The following PHIP variants were observed in gnomAD, a reference collection of about 807,000 sequenced individuals.
The protein encoded by PHIP is PH-interacting protein.
A neutral mutation model predicts 236.8 loss-of-function variants in PHIP; 54 were observed. That is an observed-to-expected ratio of 0.23 (90% CI 0.18 to 0.29). The LOEUF (loss-of-function observed/expected upper bound fraction) is 0.29. PHIP is among the 10% of genes least tolerant of loss of function. The probability of loss-of-function intolerance (pLI) is 1.00; values close to 1 mark genes in which losing one functional copy is unlikely to be tolerated. For synonymous variants in PHIP, 756 were observed against 718.9 expected, an observed-to-expected ratio of 1.05 and a Z score of -0.83; for missense variants, 1,370 against 2,190.8, an observed-to-expected ratio of 0.63 and a Z score of 7.48.
intron 35 of PHIP, among the ~76,000 whole-genome samples, chr6:78,953,857 A>C (rs550069200): frequency 6.6e-6 from 1 of 152,260 alleles, no homozygotes; most frequent in African/African-American, 2.4e-5. Context: ...AAGTGCTGGG[A>C]TTACAGGTGT....
In PHIP at chr6:78,996,892, C is replaced by T. The variant is rs151264579; in HGVS notation, c.2201+522G>A. On this transcript the variant is annotated intron_variant, in intron 19 of 39. Coordinates refer to ENST00000275034, the MANE Select transcript of PHIP (RefSeq NM_017934.7). ...AAGATCAAAAGGAACTGGATATAAACTTCCCTCATGGCATGGTCTAAGAGA... is the reference window on the plus strand; with the variant it reads ...AAGATCAAAAGGAACTGGATATAAATTTCCCTCATGGCATGGTCTAAGAGA... Among the ~76,000 whole-genome samples the T allele has an allele frequency of 5.2e-3, 787 of 152,086 alleles. 11 individuals are homozygous for T. The highest frequency in any genetic ancestry group is 0.018 in the African/African-American group (735 of 41,504).
intron 7 of PHIP, among the ~76,000 whole-genome samples, chr6:79,029,872 A>G (rs181495788): frequency 6.6e-6 from 1 of 152,186 alleles, no homozygotes; most frequent in African/African-American, 2.4e-5. Context: ...TGATTATTTT[A>G]AAAAAGACCA....
intron 7 of PHIP, among the ~76,000 whole-genome samples, chr6:79,032,699 A>C (rs896272293): frequency 6.6e-6 from 1 of 151,778 alleles, no homozygotes; most frequent in African/African-American, 2.4e-5. Context: ...CAGGGGATGC[A>C]ATCAACTTCT....
At chr6:78,982,564 CTA>C (rs1300581067) in intron 23 of PHIP, among the ~76,000 whole-genome samples, 2 of 151,964 alleles carry the variant, frequency 1.3e-5, no homozygotes, top group Admixed American at 1.3e-4. Context: ...GATTAATACA[CTA>C]TATGTTTTGT....
chr6:78,957,039 T>C (rs765877473), intron 32 of PHIP: 1 of 152,078 alleles, frequency 6.6e-6, no homozygotes, highest in South Asian at 2.1e-4. Flanking sequence ...CTAAAAAAAG[T>C]ATTTTTAAAC....
chr6:78,980,291 GGGAGAAACAA>G (rs1171199986), intron 23 of PHIP, among the ~76,000 whole-genome samples: 1 of 151,862 alleles, frequency 6.6e-6, no homozygotes, highest in Non-Finnish European at 1.5e-5. Flanking sequence ...ATAGACCCTA[GGGAGAAACAA>G]GGAGAAACAG....
intron 15 of PHIP, among the ~76,000 whole-genome samples, chr6:79,008,638 G>A (rs1194815654): frequency 1.3e-5 from 2 of 152,032 alleles, no homozygotes; most frequent in Non-Finnish European, 2.9e-5. Context: ...ATTTCCCAAA[G>A]TTTACTTCTA....
chr6:78,943,408 A>ATC (rs1221832342), intron 39 of PHIP, among the ~76,000 whole-genome samples: 2 of 152,176 alleles, frequency 1.3e-5, no homozygotes, highest in Non-Finnish European at 2.9e-5. Flanking sequence ...CATCATATAT[A>ATC]TTTGATTTCT....
chr6:78,969,456 T>C (rs925723651), intron 27 of PHIP, among the ~76,000 whole-genome samples: 3 of 152,208 alleles, frequency 2.0e-5, no homozygotes, highest in Non-Finnish European at 4.4e-5. Flanking sequence ...AAGATTATAA[T>C]AGGATTAACC....
chr6:78,998,128 C>T (rs757475969), intron 18 of PHIP, 126 bp downstream of exon 18: 4 of 662,018 alleles, frequency 6.0e-6, no homozygotes, highest in Non-Finnish European at 1.0e-5. Flanking sequence ...AAACCATGAT[C>T]ATTTTGGCAA....
intron 23 of PHIP, among the ~76,000 whole-genome samples, chr6:78,980,269 A>G (rs1768424295): frequency 6.6e-6 from 1 of 151,916 alleles, no homozygotes; most frequent in Admixed American, 6.6e-5. Context: ...CTGTCAACCT[A>G]TGCTTTAAAG....
chr6:78,975,194 C>T (rs1361852681), intron 24 of PHIP, among the ~76,000 whole-genome samples: 1 of 151,914 alleles, frequency 6.6e-6, no homozygotes, highest in Non-Finnish European at 1.5e-5. Flanking sequence ...TGGGCTTCAT[C>T]CCTGGGATGC....
chr6:78,993,772 G>T (rs1174826358), intron 19 of PHIP, among the ~76,000 whole-genome samples: 1 of 152,198 alleles, frequency 6.6e-6, no homozygotes, highest in Non-Finnish European at 1.5e-5. Context: ...AAGGTGATTA[G>T]TGTTCTCTTC....
At chr6:79,045,459 T>C (rs1225076805) in intron 6 of PHIP, among the ~76,000 whole-genome samples, 1 of 152,148 alleles carries the variant, frequency 6.6e-6, no homozygotes, top group Non-Finnish European at 1.5e-5. Context: ...TCCTATCAGA[T>C]CTTAAGTACC....
intron 24 of PHIP, 117 bp downstream of exon 24, chr6:78,978,475 C>T (rs1768274021): frequency 1.5e-6 from 1 of 669,204 alleles, no homozygotes; most frequent in African/African-American, 1.8e-5. Context: ...ATACAAATAT[C>T]TAGAATGAGA....
rs1774266164 is a variant in PHIP, at chr6:79,077,895, G to A, written c.59C>T (p.Ala20Val). The A allele has an allele frequency of 1.3e-6, 2 of 1,591,602 alleles. No individual in the cohort carries two copies. The highest frequency in any genetic ancestry group is 1.7e-6 in the Non-Finnish European group (2 of 1,170,444). The stretch of plus-strand genomic sequence containing the variant: ...ACAGGGTCCATCTTCCAGGAACCGG[G>A]CGATGAGGAAGTAGAGCTCTGCGCG... ...ELRSELYFLIARFLEDGPCQQ... is the reference protein window; with the variant it reads ...ELRSELYFLIVRFLEDGPCQQ... The change falls in exon 2 of 40, where the codon GCC (alanine) becomes GTC (valine). Residue 20 changes from alanine (A) to valine (V), a missense_variant. Ala to Val is a moderately conservative substitution (Grantham distance 64). Around this residue, in one of 14 missense-constraint regions of PHIP, gnomAD observed 43 missense variants for 53.8 expected, o/e 0.80. Transcript: ENST00000275034.
At chr6:79,040,300 C>G (rs1476330187) in intron 7 of PHIP, among the ~76,000 whole-genome samples, 3 of 152,120 alleles carry the variant, frequency 2.0e-5, no homozygotes, top group African/African-American at 7.2e-5. Flanking sequence ...TAAAAGCCCT[C>G]TGATGTCAAA....
rs1339536196 is a variant in PHIP, at chr6:78,936,347, T to G, written c.*4346A>C. On this transcript the variant is annotated 3_prime_UTR_variant, in exon 40 of 40. Coordinates refer to ENST00000275034, the MANE Select transcript of PHIP (RefSeq NM_017934.7). ...ATCCTGTGACAGGATTTAAGTTTTC[T>G]AAAAGATCTTCAGTAAGACCCCTGT... 6.6e-6 allele frequency: 1 copy of G among 151,958 alleles called. No homozygotes were observed. Among genetic ancestry groups the G allele is most frequent in the African/African-American group, 2.4e-5 (1 of 41,454 alleles). The allele number at this position is 151,958 out of a possible 1,614,324, so 9.4% of individuals were successfully genotyped here.
At chr6:78,961,553 C>A (rs1582114086) in intron 31 of PHIP, 137 bp downstream of exon 31, 1 of 771,894 alleles carries the variant, frequency 1.3e-6, no homozygotes, top group Admixed American at 3.1e-5. Context: ...GAATAAGATT[C>A]TACATTTTAA....
Sources: allele counts gnomAD v4.1 joint callset (sites outside exome capture counted in the v4.1 genomes callset), GRCh38; gene constraint gnomAD v4.1.1; regional missense constraint gnomAD v4.1.1; transcripts MANE v1.5; gene names NCBI Gene and HGNC (gene_info 2026-07-23, HGNC 2026-07-21).